Variants in INPP4A observed in about 807,000 individuals in gnomAD.
The protein encoded by INPP4A is inositol polyphosphate-4-phosphatase type I A, also known as inositol polyphosphate-4-phosphatase, type I, 107kD.
Under a neutral mutation model 119.8 loss-of-function variants are expected in INPP4A, and 33 were observed. The observed-to-expected ratio is 0.28, with a 90% CI of 0.21 to 0.37. The LOEUF (loss-of-function observed/expected upper bound fraction) is 0.37, where lower values mean the gene tolerates loss of function less well. Among genes scored for constraint, INPP4A ranks in the 10% least tolerant of loss-of-function variants. INPP4A has a pLI of 1.00. For synonymous variants in INPP4A, 496 were observed against 500.7 expected (o/e 0.99, Z 0.12); for missense variants, 956 against 1,289.9 (o/e 0.74, Z 3.97).
In INPP4A at chr2:98,535,759, A is replaced by G. The variant is rs763792117; in HGVS notation, c.301A>G (p.Ile101Val). ...CAACAATCCTATATTTCTAAGCAGTATTGCCTTCTTTCAAGACTCTCTTAT... is the reference window on the plus strand; with the variant it reads ...CAACAATCCTATATTTCTAAGCAGTGTTGCCTTCTTTCAAGACTCTCTTAT... ...GTNNPIFLSS[I>V]AFFQDSLINQ... The change falls in exon 6 of 25, where the codon ATT becomes GTT. Residue 101 changes from isoleucine (I) to valine (V), a missense_variant. Coordinates refer to ENST00000409851, the MANE Select transcript of INPP4A (RefSeq NM_001134225.2). 1 of 1,567,064 alleles carries G rather than the reference A, an allele frequency of 6.4e-7. No homozygotes were observed. The highest frequency in any genetic ancestry group is 8.7e-7 in the Non-Finnish European group (1 of 1,143,530).
chr2:98,449,634 A>G (rs1694881872), intron 1 of INPP4A, among the ~76,000 whole-genome samples: 1 of 152,198 alleles, frequency 6.6e-6, no homozygotes, highest in Non-Finnish European at 1.5e-5. Context: ...AGTGGTATAA[A>G]AACCGAGATG....
At chr2:98,580,024 C>T (rs1699050215) in intron 24 of INPP4A, among the ~76,000 whole-genome samples, 1 of 152,362 alleles carries the variant, frequency 6.6e-6, no homozygotes, top group South Asian at 2.1e-4. Flanking sequence ...GTTTTCGATA[C>T]GATCCCATGA....
rs147490916 is a variant in INPP4A at position 98,554,696 on chromosome 2, C to T, written c.1566+207C>T. Among the ~76,000 whole-genome samples the T allele has an allele frequency of 2.3e-3, 343 of 152,316 alleles. 2 individuals are homozygous for T. The highest frequency in any genetic ancestry group is 7.9e-3 in the African/African-American group (329 of 41,576). ...CCCTTGTGTCCAGATAGGGGTAGGG[C>T]TGTGCTGGGGGCTGGGCCAGCCTCA... On this transcript the variant is annotated intron_variant, in intron 15 of 24. Coordinates refer to ENST00000409851, the MANE Select transcript of INPP4A (RefSeq NM_001134225.2). This position sits in a 1 kb window ranked among gnomAD's most constrained non-coding sequence, Gnocchi z 4.7.
At chr2:98,564,609 C>G in intron 18 of INPP4A, 31 bp from the exon 19 acceptor site, 1 of 1,611,996 alleles carries the variant, frequency 6.2e-7, no homozygotes, top group South Asian at 1.1e-5. Context: ...AGGCACCTGA[C>G]CCTGAACCTC....
chr2:98,548,644 C>A lies in INPP4A; in HGVS notation c.1163+1950C>A, dbSNP rs542993991. ...TAGTATTTTTCAAATATATAAGTTT[C>A]TATTTAATTTCTCACTAATGCCATC... On this transcript the variant is annotated intron_variant, in intron 13 of 24. Transcript: ENST00000409851. Among the ~76,000 whole-genome samples the A allele has an allele frequency of 2.0e-5, 3 of 152,252 alleles. No individual in the cohort carries two copies. The East Asian group carries it at 5.8e-4, about 29-fold the overall frequency.
intron 16 of INPP4A, among the ~76,000 whole-genome samples, chr2:98,557,044 A>G (rs1373821234): frequency 6.6e-6 from 1 of 152,192 alleles, no homozygotes; most frequent in African/African-American, 2.4e-5. Flanking sequence ...AAATTTTTCT[A>G]CAGATAATGA....
intron 1 of INPP4A, among the ~76,000 whole-genome samples, chr2:98,459,166 C>T (rs183765579): frequency 2.2e-4 from 33 of 152,338 alleles, no homozygotes; most frequent in African/African-American, 7.9e-4. Flanking sequence ...TGGACTGGCC[C>T]AGGAGTGGGA....
intron 17 of INPP4A, 102 bp downstream of exon 17, chr2:98,559,597 T>C: frequency 1.6e-6 from 2 of 1,265,246 alleles, no homozygotes. Context: ...GATCCCAGAG[T>C]TGGGAAAGTA....
chr2:98,537,691 T>A (rs1690590325), intron 7 of INPP4A, among the ~76,000 whole-genome samples, 172 bp from the exon 8 acceptor site: 1 of 152,198 alleles, frequency 6.6e-6, no homozygotes. Flanking sequence ...TTTCCTTGTC[T>A]GTCTCGCCTG....
chr2:98,541,115 C>T (rs796265226), intron 10 of INPP4A, among the ~76,000 whole-genome samples: 59 of 152,254 alleles, frequency 3.9e-4, no homozygotes, highest in African/African-American at 1.4e-3. Flanking sequence ...ATCACGAGGT[C>T]AGGAGATTGA....
At chr2:98,462,137 GCACATGTCTC>G (rs1673688791) in intron 1 of INPP4A, among the ~76,000 whole-genome samples, 1 of 152,330 alleles carries the variant, frequency 6.6e-6, no homozygotes, top group South Asian at 2.1e-4. Context: ...TATTTGTAAG[GCACATGTCTC>G]TAAAATATTA....
chr2:98,460,666 C>T (rs1265856139), intron 1 of INPP4A, among the ~76,000 whole-genome samples: 1 of 152,190 alleles, frequency 6.6e-6, no homozygotes, highest in African/African-American at 2.4e-5. Context: ...GACTTGGCCT[C>T]CTTGTCTCCG....
At chr2:98,481,503 G>A (rs1678460050) in intron 1 of INPP4A, among the ~76,000 whole-genome samples, 1 of 152,166 alleles carries the variant, frequency 6.6e-6, no homozygotes, top group African/African-American at 2.4e-5. Context: ...TTAGGGAGCT[G>A]CATTTGGCTT....
chr2:98,507,783 A>G (rs1684344694), intron 1 of INPP4A, among the ~76,000 whole-genome samples: 2 of 152,190 alleles, frequency 1.3e-5, no homozygotes, highest in African/African-American at 4.8e-5. Flanking sequence ...CCTTGGAGTC[A>G]ATGGGCCAGC....
At position 98,569,938 on chromosome 2, in the gene INPP4A, C is replaced by G. The variant is rs1459572663; in HGVS notation, c.2518+1270C>G. On this transcript the variant is annotated intron_variant, in intron 22 of 24. Transcript: ENST00000409851. This position sits in a 1 kb window ranked among gnomAD's most constrained non-coding sequence, Gnocchi z 5.1. Reference sequence around the variant, plus strand: ...GATGAGATGTTGTTTCACTCTGACTCCAGCCTGGTAGTGACAGTGAGCGTG... The same window carrying G: ...GATGAGATGTTGTTTCACTCTGACTGCAGCCTGGTAGTGACAGTGAGCGTG... 1.3e-5 allele frequency: 2 copies of G among 152,482 alleles called. No homozygotes were observed. Among genetic ancestry groups the G allele is most frequent in the Non-Finnish European group, 2.9e-5 (2 of 68,106 alleles). The allele number at this position is 152,482 out of a possible 1,614,324, so 9.4% of individuals were successfully genotyped here.
chr2:98,554,209 A>T lies in INPP4A; in HGVS notation c.1348-62A>T, dbSNP rs557635941. Reference sequence around the variant, plus strand: ...AAGCCCATTCTCCATTTCTGAGATAAGGCAGGGGCCTCCCCAGCCCCTGGC... The same window carrying T: ...AAGCCCATTCTCCATTTCTGAGATATGGCAGGGGCCTCCCCAGCCCCTGGC... On this transcript the variant is annotated intron_variant, in intron 14 of 24. Transcript: ENST00000409851. The surrounding 1 kb of genome is among the most constrained non-coding windows in gnomAD (Gnocchi z 4.7). 1.9e-4 allele frequency: 241 copies of T among 1,295,910 alleles called. 1 individual carries two copies. The Middle Eastern group carries it at 2.1e-3, about 11-fold the overall frequency. The allele number at this position is 1,295,910 out of a possible 1,614,324, so 80.3% of individuals were successfully genotyped here. A position where few individuals can be genotyped will look rare whatever the true frequency, so the allele number is the denominator to read the frequency against.
At chr2:98,451,644 T>C (rs1695246976) in intron 1 of INPP4A, among the ~76,000 whole-genome samples, 1 of 152,074 alleles carries the variant, frequency 6.6e-6, no homozygotes, top group African/African-American at 2.4e-5. Flanking sequence ...CTCACGCAGG[T>C]GGTGTCAGCT....
chr2:98,526,735 G>T (rs944404108), intron 4 of INPP4A, among the ~76,000 whole-genome samples: 17 of 152,208 alleles, frequency 1.1e-4, no homozygotes, highest in Admixed American at 3.9e-4. Flanking sequence ...TTGGCTCATG[G>T]TTCTGCAGGC....
intron 1 of INPP4A, among the ~76,000 whole-genome samples, chr2:98,502,768 T>C (rs1334285609): frequency 2.0e-5 from 3 of 152,176 alleles, no homozygotes; most frequent in Non-Finnish European, 2.9e-5. Context: ...CACTACTGCA[T>C]TGTTTATGGG....
Sources: allele counts gnomAD v4.1 joint callset (sites outside exome capture counted in the v4.1 genomes callset), GRCh38; gene constraint gnomAD v4.1.1; non-coding constraint Gnocchi (gnomAD v3.1); transcripts MANE v1.5; gene names NCBI Gene and HGNC (gene_info 2026-07-23, HGNC 2026-07-21).